The following BRIP1 variants were observed in gnomAD, a reference collection of about 807,000 sequenced individuals.
BRIP1 encodes the protein Fanconi anemia group J protein.
In BRIP1, 88 loss-of-function variants were observed where a neutral mutation model predicts 119.7. The observed-to-expected ratio is 0.74, with a 90% CI of 0.62 to 0.88. The LOEUF (loss-of-function observed/expected upper bound fraction) is 0.88. Ranked by LOEUF, BRIP1 falls within the 40% of genes least tolerant of loss-of-function variation. The probability of loss-of-function intolerance (pLI) is 0.00; values close to 1 mark genes in which losing one functional copy is unlikely to be tolerated. For synonymous variants in BRIP1, 443 were observed against 496.5 expected, an observed-to-expected ratio of 0.89 and a Z score of 1.43; for missense variants, 1,259 against 1,455.4, an observed-to-expected ratio of 0.87 and a Z score of 2.20.
intron 4 of BRIP1, among the ~76,000 whole-genome samples, chr17:61,854,599 T>C (rs543006864): frequency 8.9e-5 from 13 of 146,650 alleles, no homozygotes; most frequent in Non-Finnish European, 1.5e-4. Flanking sequence ...CCTAGCTACT[T>C]GGGAGGCTGA....
In BRIP1 at chr17:61,770,505, T is replaced by C. The variant is rs184481281; in HGVS notation, c.2097+5896A>G. ...AAAGACAATATAAAATGTATTCTGT[T>C]TTTAATTTTTTTTATCTGATTTGAA... On this transcript the variant is annotated intron_variant, in intron 14 of 19. Coordinates refer to ENST00000259008, the MANE Select transcript of BRIP1 (RefSeq NM_032043.3). This position sits in a 1 kb window ranked among gnomAD's most constrained non-coding sequence, Gnocchi z 4.7. 1.3e-5 allele frequency among the ~76,000 whole-genome samples: 2 copies of C among 152,296 alleles called. No homozygotes were observed. Among genetic ancestry groups the C allele is most frequent in the Admixed American group, 1.3e-4 (2 of 15,292 alleles).
Position 61,846,075 on chromosome 17 carries a change from G to A in BRIP1, c.627+1026C>T, listed in dbSNP as rs371950727. ...CAGGCGCCTGTAGTCCCAACTACTC[G>A]GGAGGTTGAGGCAGGAGAATGGCAT... is the stretch of plus-strand genomic sequence containing the variant. On this transcript the variant is annotated intron_variant, in intron 6 of 19. Transcript: ENST00000259008. This position sits in a 1 kb window ranked among gnomAD's most constrained non-coding sequence, Gnocchi z 4.3. 6.6e-6 allele frequency among the ~76,000 whole-genome samples: 1 copy of A among 151,952 alleles called. No homozygotes were observed.
rs1190043022 is a variant in BRIP1 at position 61,758,140 on chromosome 17, T to G, written c.2098-13549A>C. On this transcript the variant is annotated intron_variant, in intron 14 of 19. Transcript: ENST00000259008. This position sits in a 1 kb window ranked among gnomAD's most constrained non-coding sequence, Gnocchi z 5.3. ...AATTCATCAATGTCTAAAGTAATCA[T>G]TTAGTTAAAATGTATATAATCTGAC... Among the ~76,000 whole-genome samples the G allele has an allele frequency of 6.6e-6, 1 of 152,210 alleles. No individual in the cohort carries two copies. Among genetic ancestry groups the G allele is most frequent in the African/African-American group, 2.4e-5 (1 of 41,456 alleles).
chr17:61,787,456 TATATA>T (rs1293362874), intron 10 of BRIP1, among the ~76,000 whole-genome samples: 3 of 138,714 alleles, frequency 2.2e-5, no homozygotes, highest in Admixed American at 7.8e-5. Flanking sequence ...TATATATAAA[TATATA>T]ATATAAAAAT....
In BRIP1 at chr17:61,742,158, C is replaced by T. The variant is rs2076994345; in HGVS notation, c.2379+855G>A. 6.6e-6 allele frequency among the ~76,000 whole-genome samples: 1 copy of T among 152,250 alleles called. No homozygotes were observed. The highest frequency in any genetic ancestry group is 2.1e-4 in the South Asian group (1 of 4,834). On this transcript the variant is annotated intron_variant, in intron 16 of 19. Coordinates refer to ENST00000259008, the MANE Select transcript of BRIP1 (RefSeq NM_032043.3). The surrounding 1 kb of genome is among the most constrained non-coding windows in gnomAD (Gnocchi z 4.7). The stretch of plus-strand genomic sequence containing the variant: ...TTCCTTAAACCTCATGAAACAACCT[C>T]TGCTAGCTTCAAACTTTTCTGCAGC...
rs1829842338 is a variant in BRIP1, at chr17:61,682,139, T to C, written c.*1157A>G. ...GATTACTGTGCCCTAAGGAAACATA[T>C]TTTAGCTGCAGCTATAAATGTGGGT... On this transcript the variant is annotated 3_prime_UTR_variant, in exon 20 of 20. Coordinates refer to ENST00000259008, the MANE Select transcript of BRIP1 (RefSeq NM_032043.3). The surrounding 1 kb of genome is among the most constrained non-coding windows in gnomAD (Gnocchi z 4.9). 1 of 202,464 alleles carries C rather than the reference T, an allele frequency of 4.9e-6. No individual in the cohort carries two copies. Among genetic ancestry groups the C allele is most frequent in the Non-Finnish European group, 1.0e-5 (1 of 98,712 alleles). The allele number at this position is 202,464 out of a possible 1,614,324, so 12.5% of individuals were successfully genotyped here.
Position 61,849,079 on chromosome 17 carries a change from T to C in BRIP1, c.507+50A>G, listed in dbSNP as rs760007945. 9.4e-6 allele frequency: 15 copies of C among 1,601,468 alleles called. No homozygotes were observed. Among genetic ancestry groups the C allele is most frequent in the South Asian group, 3.3e-5 (3 of 90,552 alleles). Reference sequence around the variant, plus strand: ...TTAAAAACATGATACTTGACTACCATGTTCAGCTGTAACTAACTGGGTTAT... The same window carrying C: ...TTAAAAACATGATACTTGACTACCACGTTCAGCTGTAACTAACTGGGTTAT... On this transcript the variant is annotated intron_variant, in intron 5 of 19. Coordinates refer to ENST00000259008, the MANE Select transcript of BRIP1 (RefSeq NM_032043.3).
intron 6 of BRIP1, among the ~76,000 whole-genome samples, chr17:61,829,717 A>C (rs2078460891): frequency 6.6e-6 from 1 of 152,200 alleles, no homozygotes; most frequent in Non-Finnish European, 1.5e-5. Context: ...AATATCTAGG[A>C]AAAAACACCT....
At position 61,777,712 on chromosome 17, in the gene BRIP1, A is replaced by G. The variant is rs1185875480; in HGVS notation, c.1936-1150T>C. Reference sequence around the variant, plus strand: ...GCTCAGAGCTTCAATTCCCAGGCACATCACCCTCCAAGTGTTCAGGAACCT... The same window carrying G: ...GCTCAGAGCTTCAATTCCCAGGCACGTCACCCTCCAAGTGTTCAGGAACCT... On this transcript the variant is annotated intron_variant, in intron 13 of 19. Transcript: ENST00000259008. Among the ~76,000 whole-genome samples the G allele has an allele frequency of 2.6e-5, 4 of 151,968 alleles. No individual in the cohort carries two copies. In the East Asian group the frequency reaches 7.7e-4, roughly 29 times the overall value.
chr17:61,765,406 TA>T (rs1567798932), intron 14 of BRIP1, among the ~76,000 whole-genome samples: 61 of 16,738 alleles, frequency 3.6e-3, no homozygotes, highest in African/African-American at 6.0e-3. Context: ...TATATATATA[TA>T]TATATATATA....
In BRIP1 at chr17:61,720,921, G is replaced by T. The variant is rs995331994; in HGVS notation, c.2380-4858C>A. ...TGCAGTGACATGATCTTGGCTCACT[G>T]CAACCTCCGCCTCCCAGGTTCAAGC... On this transcript the variant is annotated intron_variant, in intron 16 of 19. Transcript: ENST00000259008. The surrounding 1 kb of genome is among the most constrained non-coding windows in gnomAD (Gnocchi z 4.3). Among the ~76,000 whole-genome samples the T allele has an allele frequency of 6.6e-6, 1 of 151,958 alleles. No individual in the cohort carries two copies. Among genetic ancestry groups the T allele is most frequent in the African/African-American group, 2.4e-5 (1 of 41,374 alleles).
rs1272147600 is a variant in BRIP1, at chr17:61,832,393, C to T, written c.627+14708G>A. 1.3e-5 allele frequency among the ~76,000 whole-genome samples: 2 copies of T among 152,160 alleles called. No homozygotes were observed. Among genetic ancestry groups the T allele is most frequent in the East Asian group, 1.9e-4 (1 of 5,204 alleles). On this transcript the variant is annotated intron_variant, in intron 6 of 19. Coordinates refer to ENST00000259008, the MANE Select transcript of BRIP1 (RefSeq NM_032043.3). This position sits in a 1 kb window ranked among gnomAD's most constrained non-coding sequence, Gnocchi z 5.5. ...ATGTTATTTATATAATTTCAGAGTT[C>T]TTCCCCATAAAGTCCTCTTTTATAA... is the stretch of plus-strand genomic sequence containing the variant.
At chr17:61,801,194 T>G in intron 8 of BRIP1, 59 bp downstream of exon 8, 3 of 1,488,780 alleles carry the variant, frequency 2.0e-6, no homozygotes, top group East Asian at 2.3e-5. Flanking sequence ...AGCTTTTACA[T>G]TCAACATTTA....
At position 61,759,158 on chromosome 17, in the gene BRIP1, A is replaced by C. The variant is rs368584222; in HGVS notation, c.2098-14567T>G. 1.3e-5 allele frequency among the ~76,000 whole-genome samples: 2 copies of C among 152,134 alleles called. No individual in the cohort carries two copies. The highest frequency in any genetic ancestry group is 6.6e-5 in the Admixed American group (1 of 15,264). ...GCAATTTAGAAAGAGTAAGAAAAGAAGATCCAACTATATGCTGCCTACAAG... is the reference window on the plus strand; with the variant it reads ...GCAATTTAGAAAGAGTAAGAAAAGACGATCCAACTATATGCTGCCTACAAG... On this transcript the variant is annotated intron_variant, in intron 14 of 19. Transcript: ENST00000259008. The surrounding 1 kb of genome is among the most constrained non-coding windows in gnomAD (Gnocchi z 4.9).
chr17:61,840,957 A>C (rs2078649445), intron 6 of BRIP1, among the ~76,000 whole-genome samples: 1 of 152,210 alleles, frequency 6.6e-6, no homozygotes, highest in Non-Finnish European at 1.5e-5. Flanking sequence ...GATGCCAAGA[A>C]CACATATCGG....
rs1486673258 is a variant in BRIP1 at position 61,805,230 on chromosome 17, C to G, written c.918+3237G>C. ...AGATTCATAACCTATAAAAGAATGT[C>G]AGCAAATCAAAGGACAAGACATGAA... is the stretch of plus-strand genomic sequence containing the variant. On this transcript the variant is annotated intron_variant, in intron 7 of 19. Coordinates refer to ENST00000259008, the MANE Select transcript of BRIP1 (RefSeq NM_032043.3). This position sits in a 1 kb window ranked among gnomAD's most constrained non-coding sequence, Gnocchi z 5.6. 3.3e-5 allele frequency among the ~76,000 whole-genome samples: 5 copies of G among 151,986 alleles called. No individual in the cohort carries two copies. Among genetic ancestry groups the G allele is most frequent in the African/African-American group, 1.2e-4 (5 of 41,374 alleles).
At chr17:61,801,039 T>C (rs1476454052) in intron 8 of BRIP1, among the ~76,000 whole-genome samples, 2 of 152,212 alleles carry the variant, frequency 1.3e-5, no homozygotes, top group African/African-American at 4.8e-5. Flanking sequence ...CTTCAGTCAC[T>C]ATGTTCCTTA....
chr17:61,776,635 T>C lies in BRIP1; in HGVS notation c.1936-73A>G, dbSNP rs184229456. On this transcript the variant is annotated intron_variant, in intron 13 of 19. Coordinates refer to ENST00000259008, the MANE Select transcript of BRIP1 (RefSeq NM_032043.3). The surrounding 1 kb of genome is among the most constrained non-coding windows in gnomAD (Gnocchi z 5.0). ...GGAAATTAGTATTTATTTGGAAGTATGTACATAAAAGATCAAGCAACAAGT... is the reference window on the plus strand; with the variant it reads ...GGAAATTAGTATTTATTTGGAAGTACGTACATAAAAGATCAAGCAACAAGT... The C allele has an allele frequency of 1.2e-4, 174 of 1,491,700 alleles. No individual in the cohort carries two copies. The African/African-American group carries it at 1.9e-3, about 16-fold the overall frequency. The allele number at this position is 1,491,700 out of a possible 1,614,324, so 92.4% of individuals were successfully genotyped here.
rs1555571892 is a variant in BRIP1, at chr17:61,680,480, C to CTTTCTTTTTTTT, written c.*2815_*2816insAAAAAAAAGAAA. ...AGTTTACCAATTCTAAAGGTAATTT[C>CTTTCTTTTTTTT]TTTTTTTTTTTTTTTTTGAGACGGA... On this transcript the variant is annotated 3_prime_UTR_variant, in exon 20 of 20. Transcript: ENST00000259008. 3.2e-5 allele frequency among the ~76,000 whole-genome samples: 4 copies of CTTTCTTTTTTTT among 124,090 alleles called. No homozygotes were observed. Among genetic ancestry groups the CTTTCTTTTTTTT allele is most frequent in the Admixed American group, 8.8e-5 (1 of 11,374 alleles). 81.4% of individuals were successfully genotyped at this position (124,090 alleles called of 152,430 possible).
Sources: gnomAD v4.1 joint callset for allele counts (sites outside exome capture counted in the v4.1 genomes callset) on GRCh38, gnomAD v4.1.1 for gene constraint, Gnocchi (gnomAD v3.1) non-coding constraint, MANE v1.5 for transcripts, NCBI Gene and HGNC (gene_info 2026-07-23, HGNC 2026-07-21) for gene names.